The following ATOH8 variants were observed in gnomAD, a reference collection of about 807,000 sequenced individuals.
ATOH8 encodes the protein atonal bHLH transcription factor 8, also known as transcription factor ATOH8.
In ATOH8, 9 loss-of-function variants were observed where a neutral mutation model predicts 21.2. The ratio of observed to expected loss-of-function variants is 0.42; its 90% CI spans 0.26 to 0.74. The LOEUF (loss-of-function observed/expected upper bound fraction) is 0.74. Ranked by LOEUF, ATOH8 falls within the 30% of genes least tolerant of loss-of-function variation. The probability of loss-of-function intolerance (pLI) is 0.24; values close to 1 mark genes in which losing one functional copy is unlikely to be tolerated. For missense variants in ATOH8, 524 were observed against 470.9 expected (o/e 1.11, Z -1.04); for synonymous variants, 253 against 224.0 (o/e 1.13, Z -1.16).
intron 1 of ATOH8, among the ~76,000 whole-genome samples, chr2:85,756,237 C>T (rs34957265): frequency 1.3e-5 from 2 of 152,122 alleles, no homozygotes. Context: ...GGCCTCTGCC[C>T]TCATCCACAC....
Position 85,776,531 on chromosome 2 carries a change from C to G in ATOH8, c.961-10354C>G, listed in dbSNP as rs79736566. Among the ~76,000 whole-genome samples, 1,446 of 152,324 alleles carry G rather than the reference C, an allele frequency of 9.5e-3. 19 individuals are homozygous for G. Among genetic ancestry groups the G allele is most frequent in the African/African-American group, 0.033 (1,391 of 41,564 alleles). On this transcript the variant is annotated intron_variant, in intron 2 of 2. Coordinates refer to ENST00000306279, the MANE Select transcript of ATOH8 (RefSeq NM_032827.7). ...GAGGGACTTCAGTGTCCCCTCCTCA[C>G]GCAGTGACTTAGAGAATGTGCATGC...
chr2:85,763,954 C>T lies in ATOH8; in HGVS notation c.769-37C>T, dbSNP rs764228592. 54 of 1,595,544 alleles carry T rather than the reference C, an allele frequency of 3.4e-5. No individual in the cohort carries two copies. In the East Asian group the frequency reaches 5.0e-4, roughly 15 times the overall value. On this transcript the variant is annotated intron_variant, in intron 1 of 2. Coordinates refer to ENST00000306279, the MANE Select transcript of ATOH8 (RefSeq NM_032827.7). ...CCCATGCCTGCCAGGCTGGGCACTG[C>T]GCCCCTGCAGCCCCTCCTGACGCCT... is the stretch of plus-strand genomic sequence containing the variant.
At chr2:85,781,032 T>C in intron 2 of ATOH8, 1 of 987,970 alleles carries the variant, frequency 1.0e-6, no homozygotes, top group Non-Finnish European at 1.2e-6. Flanking sequence ...CTCTGCAAAG[T>C]CTGTCCCTTG....
At chr2:85,784,031 G>A (rs1680564857) in intron 2 of ATOH8, among the ~76,000 whole-genome samples, 1 of 152,188 alleles carries the variant, frequency 6.6e-6, no homozygotes, top group African/African-American at 2.4e-5. Flanking sequence ...AGTAGTCAGG[G>A]AGGAAGGCGG....
intron 2 of ATOH8, among the ~76,000 whole-genome samples, chr2:85,771,902 G>C (rs1680192339): frequency 6.6e-6 from 1 of 152,160 alleles, no homozygotes; most frequent in Non-Finnish European, 1.5e-5. Context: ...ACTTGCCTGG[G>C]GCCACATGGC....
chr2:85,754,402 G>C lies in ATOH8; in HGVS notation c.213G>C (p.Pro71=). The change falls in exon 1 of 3, where the codon CCG becomes CCC. Residue 71 remains proline (P), a synonymous_variant. Transcript: ENST00000306279. ...GGACCCATCGGCTGCAGCCGGTCCC[G>C]GTACCGGTGCCGGTGCCAGTCCCAG... ...RDRTHRLQPV[P]VPVPVPVPVA... 1 of 1,573,844 alleles carries C rather than the reference G, an allele frequency of 6.4e-7. No individual in the cohort carries two copies.
chr2:85,780,052 G>A (rs1478202738), intron 2 of ATOH8, among the ~76,000 whole-genome samples: 6 of 152,192 alleles, frequency 3.9e-5, no homozygotes, highest in Non-Finnish European at 5.9e-5. Context: ...CCCACCTTGC[G>A]GTGGGTGTGG....
intron 1 of ATOH8, among the ~76,000 whole-genome samples, chr2:85,762,148 T>A (rs1354404328): frequency 1.3e-5 from 2 of 152,190 alleles, no homozygotes; most frequent in Non-Finnish European, 2.9e-5. Flanking sequence ...CTCAATGCAA[T>A]GCACACATCA....
At position 85,775,269 on chromosome 2, in the gene ATOH8, A is replaced by G. The variant is rs1680291713; in HGVS notation, c.960+11087A>G. 7.1e-6 allele frequency: 7 copies of G among 985,344 alleles called. No homozygotes were observed. The South Asian group carries it at 3.3e-4, about 46-fold the overall frequency. 61.0% of individuals were successfully genotyped at this position (985,344 alleles called of 1,614,324 possible). A position where few individuals can be genotyped will look rare whatever the true frequency, so the allele number is the denominator to read the frequency against. ...TTCTGGCACATACTAGGGCCCCCAA[A>G]TAATGACACACCATTCTTTCCACTA... On this transcript the variant is annotated intron_variant, in intron 2 of 2. Transcript: ENST00000306279.
intron 2 of ATOH8, among the ~76,000 whole-genome samples, 155 bp downstream of exon 2, chr2:85,764,337 T>C (rs748457724): frequency 3.3e-5 from 5 of 152,206 alleles, no homozygotes; most frequent in Non-Finnish European, 7.4e-5. Flanking sequence ...TCAGTGCTCC[T>C]CAAATCCCTG....
chr2:85,772,009 G>A (rs903263766), intron 2 of ATOH8, among the ~76,000 whole-genome samples: 7 of 152,344 alleles, frequency 4.6e-5, no homozygotes, highest in African/African-American at 1.7e-4. Context: ...CCTGAAGCTC[G>A]CACACTGCCC....
intron 2 of ATOH8, among the ~76,000 whole-genome samples, chr2:85,770,700 T>G (rs1434804336): frequency 1.3e-5 from 2 of 152,150 alleles, no homozygotes; most frequent in African/African-American, 4.8e-5. Flanking sequence ...ACGTGGACCG[T>G]GCCTCTGAGG....
At chr2:85,778,678 G>T (rs1187693696) in intron 2 of ATOH8, among the ~76,000 whole-genome samples, 2 of 152,148 alleles carry the variant, frequency 1.3e-5, no homozygotes, top group African/African-American at 2.4e-5. Flanking sequence ...TGGTTGGTTG[G>T]TGCCCATCAA....
intron 1 of ATOH8, among the ~76,000 whole-genome samples, chr2:85,759,200 C>T (rs1679796787): frequency 6.6e-6 from 1 of 152,206 alleles, no homozygotes; most frequent in African/African-American, 2.4e-5. Context: ...CTCCCTCACT[C>T]TGAAACCCCA....
At chr2:85,774,766 C>A in intron 2 of ATOH8, 1 of 985,556 alleles carries the variant, frequency 1.0e-6, no homozygotes, top group East Asian at 1.1e-4. Context: ...CCTGGCCGGT[C>A]ACTCCCTATG....
chr2:85,781,619 TA>T (rs1291586138), intron 2 of ATOH8, among the ~76,000 whole-genome samples: 2 of 150,718 alleles, frequency 1.3e-5, no homozygotes, highest in Non-Finnish European at 3.0e-5. Context: ...CTCACATCTG[TA>T]ATCCTAGCAC....
chr2:85,755,785 G>A (rs1438502750), intron 1 of ATOH8, among the ~76,000 whole-genome samples: 1 of 152,104 alleles, frequency 6.6e-6, no homozygotes, highest in Non-Finnish European at 1.5e-5. Flanking sequence ...TGGGCTTCTA[G>A]GCTTCTTATT....
In ATOH8 at chr2:85,788,376, T is replaced by G. The variant is rs1243733495; in HGVS notation, c.*1486T>G. Among the ~76,000 whole-genome samples, 3 of 152,000 alleles carry G rather than the reference T, an allele frequency of 2.0e-5. No individual in the cohort carries two copies. The highest frequency in any genetic ancestry group is 1.5e-5 in the Non-Finnish European group (1 of 67,996). ...CCTATTATTAACCCCGTTTCACAGA[T>G]GGGGTAACTGAGGCCTCAAGTAGAC... On this transcript the variant is annotated 3_prime_UTR_variant, in exon 3 of 3. Coordinates refer to ENST00000306279, the MANE Select transcript of ATOH8 (RefSeq NM_032827.7).
chr2:85,755,847 C>T (rs1679677086), intron 1 of ATOH8, among the ~76,000 whole-genome samples: 1 of 151,978 alleles, frequency 6.6e-6, no homozygotes, highest in African/African-American at 2.4e-5. Context: ...TCTCCCACCC[C>T]CACACAGGGC....
Sources: gnomAD v4.1 joint callset for allele counts (sites outside exome capture counted in the v4.1 genomes callset) on GRCh38, gnomAD v4.1.1 for gene constraint, MANE v1.5 for transcripts, NCBI Gene and HGNC (gene_info 2026-07-23, HGNC 2026-07-21) for gene names.